G2E3: variants seen among roughly 807,000 people sequenced by gnomAD.
G2E3 encodes the protein G2/M-phase specific E3 ubiquitin protein ligase, also known as G2/M phase-specific E3 ubiquitin-protein ligase.
A neutral mutation model predicts 92.8 loss-of-function variants in G2E3; 35 were observed. The ratio of observed to expected loss-of-function variants is 0.38; its 90% CI spans 0.29 to 0.50. G2E3 has a LOEUF of 0.50. Ranked by LOEUF, G2E3 falls within the 20% of genes least tolerant of loss-of-function variation. The pLI, the probability that G2E3 is intolerant of heterozygous loss-of-function variation, is 0.94. For synonymous variants in G2E3, 242 were observed against 272.4 expected, an observed-to-expected ratio of 0.89 and a Z score of 1.10; for missense variants, 554 against 823.8, an observed-to-expected ratio of 0.67 and a Z score of 4.01.
chr14:30,607,295 T>C (rs1020447484), intron 11 of G2E3, among the ~76,000 whole-genome samples: 2 of 152,134 alleles, frequency 1.3e-5, no homozygotes, highest in Non-Finnish European at 2.9e-5. Flanking sequence ...TTCTGAGAAA[T>C]GTGTCAGTAG....
At chr14:30,595,117 G>A (rs906081497) in intron 6 of G2E3, among the ~76,000 whole-genome samples, 12 of 151,982 alleles carry the variant, frequency 7.9e-5, no homozygotes, top group Non-Finnish European at 5.9e-5. Flanking sequence ...CTGTCTGGGC[G>A]ACAGAGCAAG....
intron 1 of G2E3, among the ~76,000 whole-genome samples, chr14:30,571,889 T>C (rs229191): frequency 5.9e-5 from 9 of 151,680 alleles, no homozygotes; most frequent in Admixed American, 3.3e-4. Flanking sequence ...ATGTTTTTGC[T>C]ATTACAAGAC....
intron 1 of G2E3, among the ~76,000 whole-genome samples, chr14:30,574,205 C>T (rs1273841446): frequency 1.3e-5 from 2 of 152,086 alleles, no homozygotes; most frequent in Non-Finnish European, 2.9e-5. Flanking sequence ...CTTAATGCTT[C>T]AGTATTTCCT....
At chr14:30,607,610 T>C (rs1043953039) in intron 11 of G2E3, among the ~76,000 whole-genome samples, 8 of 152,184 alleles carry the variant, frequency 5.3e-5, no homozygotes, top group Non-Finnish European at 1.0e-4. Context: ...ACAACATCCT[T>C]ATATGGTGCA....
intron 10 of G2E3, chr14:30,602,810 C>CTATG (rs902191139): frequency 3.9e-5 from 6 of 152,134 alleles, no homozygotes; most frequent in Non-Finnish European, 7.3e-5. Context: ...GGACATCTTG[C>CTATG]TATGTTGCCC....
rs1440427915 is a variant in G2E3 at position 30,581,073 on chromosome 14, T to C, written c.-4-3T>C. 1 of 1,440,372 alleles carries C rather than the reference T, an allele frequency of 6.9e-7. No homozygotes were observed. The highest frequency in any genetic ancestry group is 9.8e-7 in the Non-Finnish European group (1 of 1,024,162). 89.2% of individuals were successfully genotyped at this position (1,440,372 alleles called of 1,614,324 possible). A position where few individuals can be genotyped will look rare whatever the true frequency, so the allele number is the denominator to read the frequency against. On this transcript the variant is annotated splice_polypyrimidine_tract_variant and splice_region_variant and intron_variant, in intron 1 of 14. Coordinates refer to ENST00000206595, the MANE Select transcript of G2E3 (RefSeq NM_017769.5). ...ATGACTGTATTAATGTTATTTTTCCTAGTAAAATGAATGAAAGTAAACCTG... is the reference window on the plus strand; with the variant it reads ...ATGACTGTATTAATGTTATTTTTCCCAGTAAAATGAATGAAAGTAAACCTG...
intron 10 of G2E3, among the ~76,000 whole-genome samples, chr14:30,604,725 T>G (rs1044517975): frequency 2.6e-5 from 4 of 152,220 alleles, no homozygotes; most frequent in Non-Finnish European, 5.9e-5. Context: ...TTAAAATATA[T>G]TGTGTAATCT....
chr14:30,572,904 T>A (rs939722699), intron 1 of G2E3, among the ~76,000 whole-genome samples: 1 of 152,144 alleles, frequency 6.6e-6, no homozygotes, highest in African/African-American at 2.4e-5. Context: ...AAGTCTAAAC[T>A]TCATACCTTC....
Position 30,589,374 on chromosome 14 carries a change from T to C in G2E3, c.136-9T>C. ...AGAGTTTATTTTCTAATTGAGAATATATTCATAGTTGATGTCAAGTGGAAT... is the reference window on the plus strand; with the variant it reads ...AGAGTTTATTTTCTAATTGAGAATACATTCATAGTTGATGTCAAGTGGAAT... On this transcript the variant is annotated splice_polypyrimidine_tract_variant and intron_variant, in intron 3 of 14. Transcript: ENST00000206595. 1 of 1,470,854 alleles carries C rather than the reference T, an allele frequency of 6.8e-7. No homozygotes were observed. Among genetic ancestry groups the C allele is most frequent in the Non-Finnish European group, 9.5e-7 (1 of 1,052,072 alleles). The allele number at this position is 1,470,854 out of a possible 1,614,324, so 91.1% of individuals were successfully genotyped here.
intron 1 of G2E3, chr14:30,573,441 G>A (rs1478965500): frequency 6.8e-6 from 1 of 147,496 alleles, no homozygotes; most frequent in East Asian, 2.1e-4. Context: ...GCGTGTGTGT[G>A]TGTCTCTGTG....
intron 1 of G2E3, among the ~76,000 whole-genome samples, chr14:30,572,989 A>G (rs539744560): frequency 6.7e-6 from 1 of 149,674 alleles, no homozygotes; most frequent in Admixed American, 6.6e-5. Flanking sequence ...ATTGAAGATC[A>G]TATTGATGTT....
At chr14:30,586,927 A>C in intron 3 of G2E3, 112 bp downstream of exon 3, 2 of 417,316 alleles carry the variant, frequency 4.8e-6, no homozygotes, top group East Asian at 3.7e-5. Context: ...TCCAGATCTC[A>C]TTTTGTCTAT....
chr14:30,578,338 T>G (rs779211640), intron 1 of G2E3, among the ~76,000 whole-genome samples: 8 of 152,242 alleles, frequency 5.3e-5, no homozygotes, highest in Non-Finnish European at 1.2e-4. Flanking sequence ...CTATATATCC[T>G]TTATCTAGAT....
chr14:30,609,212 G>A (rs1255334262), intron 12 of G2E3, among the ~76,000 whole-genome samples: 7 of 151,714 alleles, frequency 4.6e-5, no homozygotes, highest in Non-Finnish European at 7.4e-5. Flanking sequence ...TTAATTCTTC[G>A]TTTTTCTTTT....
intron 2 of G2E3, among the ~76,000 whole-genome samples, chr14:30,582,276 C>T (rs903499784): frequency 2.6e-5 from 4 of 152,094 alleles, no homozygotes; most frequent in African/African-American, 9.7e-5. Flanking sequence ...ACACTAGACA[C>T]CAATCTTAAT....
At chr14:30,573,859 A>G (rs980809801) in intron 1 of G2E3, among the ~76,000 whole-genome samples, 1 of 152,218 alleles carries the variant, frequency 6.6e-6, no homozygotes, top group African/African-American at 2.4e-5. Flanking sequence ...TCCAAACATA[A>G]GTTTAACCAG....
At chr14:30,596,132 G>A (rs567531500) in intron 6 of G2E3, among the ~76,000 whole-genome samples, 1,965 of 137,920 alleles carry the variant, frequency 0.014, 43 homozygotes, top group African/African-American at 0.051. Context: ...GTGGGTGGGT[G>A]TGCGTGTGTG....
At chr14:30,606,267 A>T (rs921701955) in intron 11 of G2E3, among the ~76,000 whole-genome samples, 1 of 151,600 alleles carries the variant, frequency 6.6e-6, no homozygotes, top group Non-Finnish European at 1.5e-5. Flanking sequence ...TATGTATATG[A>T]TGGTTTTCTG....
rs1409620203 is a variant in G2E3 at position 30,618,978 on chromosome 14, G to A, written c.*2444G>A. The A allele has an allele frequency of 1.3e-5, 2 of 152,068 alleles. No individual in the cohort carries two copies. Among genetic ancestry groups the A allele is most frequent in the South Asian group, 2.1e-4 (1 of 4,822 alleles). The allele number at this position is 152,068 out of a possible 1,614,324, so 9.4% of individuals were successfully genotyped here. ...AAGGCTGTTTTCTCTTGCTCTTAAT[G>A]TTGAGGAAAACTATAAATTGATCTA... On this transcript the variant is annotated 3_prime_UTR_variant, in exon 15 of 15. Transcript: ENST00000206595.
Sources: allele counts gnomAD v4.1 joint callset (sites outside exome capture counted in the v4.1 genomes callset), GRCh38; gene constraint gnomAD v4.1.1; transcripts MANE v1.5; gene names NCBI Gene and HGNC (gene_info 2026-07-23, HGNC 2026-07-21).